ZNF395: variants seen among roughly 807,000 people sequenced by gnomAD.
ZNF395 encodes HD gene regulatory region-binding protein 2.
Under a neutral mutation model 57.7 loss-of-function variants are expected in ZNF395, and 20 were observed. That is an observed-to-expected ratio of 0.35 (90% CI 0.24 to 0.50). The LOEUF (loss-of-function observed/expected upper bound fraction) is 0.50. ZNF395 is among the 20% of genes least tolerant of loss of function. The pLI is 0.97. For synonymous variants in ZNF395, 295 were observed against 275.9 expected, an observed-to-expected ratio of 1.07 and a Z score of -0.69; for missense variants, 606 against 671.2, an observed-to-expected ratio of 0.90 and a Z score of 1.07.
chr8:28,361,236 A>T (rs1585856529), intron 1 of ZNF395, 54 bp from the exon 2 acceptor site: 1 of 1,478,088 alleles, frequency 6.8e-7, no homozygotes, highest in East Asian at 2.3e-5. Context: ...GGAGCCAGGA[A>T]GGGTCTACTA....
chr8:28,364,522 C>T (rs765683166), intron 1 of ZNF395, among the ~76,000 whole-genome samples: 9 of 152,116 alleles, frequency 5.9e-5, no homozygotes, highest in African/African-American at 1.2e-4. Flanking sequence ...GGTGTGGTGG[C>T]GTGCACTTGT....
chr8:28,348,733 G>A lies in ZNF395; in HGVS notation c.1528C>T (p.Arg510Cys), dbSNP rs1447593715. The stretch of plus-strand genomic sequence containing the variant: ...TGCAGCACAGCTCAGTCCAGAAAGC[G>A]CTGGCAGGCCTTCTTCCACCGGCAG... ...TACRWKKACQ[R>C]FLD Residue 510 changes from arginine (R) to cysteine (C), a missense_variant, in exon 10 of 10, where the codon CGC becomes TGC. Transcript: ENST00000344423. 5 of 1,613,968 alleles carry A rather than the reference G, an allele frequency of 3.1e-6. No individual in the cohort carries two copies. Among genetic ancestry groups the A allele is most frequent in the South Asian group, 2.2e-5 (2 of 91,080 alleles).
At chr8:28,354,773 T>C (rs1338785968) in intron 4 of ZNF395, among the ~76,000 whole-genome samples, 1 of 151,762 alleles carries the variant, frequency 6.6e-6, no homozygotes, top group Admixed American at 6.6e-5. Flanking sequence ...ACAAGAATCA[T>C]TAAACAGGCC....
chr8:28,351,461 T>C (rs753662620), intron 7 of ZNF395, 34 bp downstream of exon 7: 3 of 1,547,266 alleles, frequency 1.9e-6, no homozygotes, highest in Non-Finnish European at 2.6e-6. Flanking sequence ...GAGTCAGCTA[T>C]GAGCCTGAGC....
chr8:28,351,074 A>G (rs559860783), intron 7 of ZNF395, among the ~76,000 whole-genome samples: 162 of 145,234 alleles, frequency 1.1e-3, no homozygotes, highest in Admixed American at 2.2e-3. Flanking sequence ...CTTCAACCTG[A>G]AAGTCTTACT....
rs761620777 is a variant in ZNF395 at position 28,360,938 on chromosome 8, T to C, written c.187A>G (p.Lys63Glu). 6.2e-7 allele frequency: 1 copy of C among 1,613,926 alleles called. No homozygotes were observed. The highest frequency in any genetic ancestry group is 1.1e-5 in the South Asian group (1 of 91,084). ...PCQEQPKEVLKAPSTSGLQQV... is the reference protein window; with the variant it reads ...PCQEQPKEVLEAPSTSGLQQV... ...TGAAGGCCCGAGGTGCTGGGAGCCT[T>C]AAGGACTTCCTTGGGCTGCTCCTGG... Residue 63 changes from lysine (K) to glutamate (E), a missense_variant, in exon 2 of 10, where the codon AAG (lysine) becomes GAG (glutamate). Lys to Glu is a moderately conservative substitution (Grantham distance 56). Around this residue, in one of 3 missense-constraint regions of ZNF395, gnomAD observed 309 missense variants for 374.7 expected, o/e 0.82. Coordinates refer to ENST00000344423, the MANE Select transcript of ZNF395 (RefSeq NM_018660.3).
At chr8:28,364,709 G>A (rs1416183986) in intron 1 of ZNF395, among the ~76,000 whole-genome samples, 2 of 151,082 alleles carry the variant, frequency 1.3e-5, no homozygotes, top group Non-Finnish European at 2.9e-5. Flanking sequence ...AGGTTGCAGT[G>A]AGCCAAGATC....
At chr8:28,376,604 G>T (rs558819760) in intron 1 of ZNF395, among the ~76,000 whole-genome samples, 2 of 151,976 alleles carry the variant, frequency 1.3e-5, no homozygotes, top group Non-Finnish European at 2.9e-5. Flanking sequence ...CTGGGCAACA[G>T]AGCAAGACTC....
At chr8:28,369,042 G>A (rs1467401834) in intron 1 of ZNF395, among the ~76,000 whole-genome samples, 1 of 151,908 alleles carries the variant, frequency 6.6e-6, no homozygotes, top group African/African-American at 2.4e-5. Context: ...CACCAAGTTG[G>A]CCAGGCTGGT....
At chr8:28,374,844 C>T (rs1249176604) in intron 1 of ZNF395, among the ~76,000 whole-genome samples, 4 of 152,208 alleles carry the variant, frequency 2.6e-5, no homozygotes. Context: ...AGCCCTTGCC[C>T]AATCACACTT....
At position 28,345,970 on chromosome 8, in the gene ZNF395, C is replaced by A. The variant is rs1315519862; in HGVS notation, c.*2749G>T. 1 of 152,168 alleles carries A rather than the reference C, an allele frequency of 6.6e-6. No homozygotes were observed. The allele number at this position is 152,168 out of a possible 1,614,324, so 9.4% of individuals were successfully genotyped here. On this transcript the variant is annotated 3_prime_UTR_variant, in exon 10 of 10. Coordinates refer to ENST00000344423, the MANE Select transcript of ZNF395 (RefSeq NM_018660.3). ...GCTTTCTGAGCCAATTTAAAAGTCA[C>A]ATGATTGAATCCAAGCTATTTTACT... is the stretch of plus-strand genomic sequence containing the variant.
At chr8:28,376,338 A>T (rs1363572400) in intron 1 of ZNF395, among the ~76,000 whole-genome samples, 1 of 151,798 alleles carries the variant, frequency 6.6e-6, no homozygotes, top group Non-Finnish European at 1.5e-5. Context: ...TGCTTTTTTT[A>T]AAAAAAGGCC....
At chr8:28,379,816 C>T (rs978140013) in intron 1 of ZNF395, among the ~76,000 whole-genome samples, 15 of 131,564 alleles carry the variant, frequency 1.1e-4, no homozygotes, top group Admixed American at 5.7e-4. Flanking sequence ...ACATACACAA[C>T]TAGAAAAGAC....
chr8:28,363,755 C>T lies in ZNF395; in HGVS notation c.-58-2573G>A, dbSNP rs550740573. On this transcript the variant is annotated intron_variant, in intron 1 of 9. Coordinates refer to ENST00000344423, the MANE Select transcript of ZNF395 (RefSeq NM_018660.3). ...AATTCCTGGGCTCCCAGTCTTCAGA[C>T]GGCGCCTGAAATGTTTGGCCAACAA... Among the ~76,000 whole-genome samples, 63 of 152,280 alleles carry T rather than the reference C, an allele frequency of 4.1e-4. 1 individual carries two copies. In the South Asian group the frequency reaches 0.011, roughly 27 times the overall value.
intron 1 of ZNF395, chr8:28,365,610 C>G (rs1408899033): frequency 6.6e-6 from 1 of 152,210 alleles, no homozygotes; most frequent in Non-Finnish European, 1.5e-5. Context: ...ATGGAATTCC[C>G]TGACTGAAAC....
In ZNF395 at chr8:28,359,678, G is replaced by A; in HGVS notation, c.387C>T (p.Gly129=). 6.2e-7 allele frequency: 1 copy of A among 1,613,998 alleles called. No individual in the cohort carries two copies. Among genetic ancestry groups the A allele is most frequent in the Non-Finnish European group, 8.5e-7 (1 of 1,180,014 alleles). The change falls in exon 3 of 10, where the codon GGC becomes GGT. Residue 129 remains glycine, a synonymous_variant. Coordinates refer to ENST00000344423, the MANE Select transcript of ZNF395 (RefSeq NM_018660.3). The surrounding 1 kb of genome is among the most constrained non-coding windows in gnomAD (Gnocchi z 4.7). The stretch of plus-strand genomic sequence containing the variant: ...CCAGGGGTGGTGCCTGGGGACAGGG[G>A]CCCTGCAGCTCTGCCAGCCACACCT... The part of the protein sequence containing the change: ...VEEVWLAELQ[G]PCPQAPPLEP...
At position 28,352,867 on chromosome 8, in the gene ZNF395, G is replaced by A. The variant is rs1801734300; in HGVS notation, c.820-194C>T. On this transcript the variant is annotated intron_variant, in intron 5 of 9. Transcript: ENST00000344423. The surrounding 1 kb of genome is among the most constrained non-coding windows in gnomAD (Gnocchi z 4.0). ...CCCCAATCTAAGAGATGGTCCTAGT[G>A]GCCAACAGCAGTGCTCCATGCTGTG... is the stretch of plus-strand genomic sequence containing the variant. Among the ~76,000 whole-genome samples, 1 of 152,188 alleles carries A rather than the reference G, an allele frequency of 6.6e-6. No individual in the cohort carries two copies. Among genetic ancestry groups the A allele is most frequent in the Non-Finnish European group, 1.5e-5 (1 of 68,028 alleles).
At chr8:28,357,650 C>T (rs1801797046) in intron 3 of ZNF395, among the ~76,000 whole-genome samples, 1 of 152,206 alleles carries the variant, frequency 6.6e-6, no homozygotes, top group Non-Finnish European at 1.5e-5. Flanking sequence ...AAACGTGAAA[C>T]ACATTAGCAC....
intron 1 of ZNF395, among the ~76,000 whole-genome samples, chr8:28,363,548 G>A (rs924634836): frequency 2.0e-5 from 3 of 152,112 alleles, no homozygotes; most frequent in African/African-American, 7.2e-5. Context: ...GGATCCAGAG[G>A]TGAAGTCGCA....
Sources: gnomAD v4.1 joint callset for allele counts (sites outside exome capture counted in the v4.1 genomes callset) on GRCh38, gnomAD v4.1.1 for gene constraint, gnomAD v4.1.1 regional missense constraint, Gnocchi (gnomAD v3.1) non-coding constraint, MANE v1.5 for transcripts, NCBI Gene and HGNC (gene_info 2026-07-23, HGNC 2026-07-21) for gene names.